The following ADGRF3 variants were observed in gnomAD, a reference collection of about 807,000 sequenced individuals.
ADGRF3 encodes the protein G protein-coupled receptor 113.
A neutral mutation model predicts 93.2 loss-of-function variants in ADGRF3; 85 were observed. The observed-to-expected ratio is 0.91, with a 90% confidence interval of 0.77 to 1.09. ADGRF3 has a LOEUF of 1.09. ADGRF3 is among the 50% of genes least tolerant of loss of function. ADGRF3 has a pLI of 0.00. For synonymous variants in ADGRF3, 534 were observed against 532.5 expected (o/e 1.00, Z -0.04); for missense variants, 1,125 against 1,246.2 (o/e 0.90, Z 1.46).
At position 26,319,589 on chromosome 2, in the gene ADGRF3, T is replaced by TCTTTCTCTCCCTCCCTC. The variant is rs1558391015; in HGVS notation, c.115-2028_115-2027insGAGGGAGGGAGAGAAAG. ...TCCCTTCCTTCCTTCCTTCCTTCCTTCCTTCCTTCCTTCCTTCCTTCCTTC... is the reference window on the plus strand; with the variant it reads ...TCCCTTCCTTCCTTCCTTCCTTCCTTCTTTCTCTCCCTCCCTCCCTTCCTTCCTTCCTTCCTTCCTTC... On this transcript the variant is annotated intron_variant, in intron 1 of 13. Transcript: ENST00000651242. 6.2e-3 allele frequency among the ~76,000 whole-genome samples: 371 copies of TCTTTCTCTCCCTCCCTC among 59,456 alleles called. 15 individuals carry two copies. Among genetic ancestry groups the TCTTTCTCTCCCTCCCTC allele is most frequent in the Middle Eastern group, 0.037 (4 of 108 alleles). 39.0% of individuals were successfully genotyped at this position (59,456 alleles called of 152,430 possible). A position where few individuals can be genotyped will look rare whatever the true frequency, so the allele number is the denominator to read the frequency against.
intron 10 of ADGRF3, 103 bp from the exon 11 acceptor site, chr2:26,310,340 T>A: frequency 1.6e-6 from 2 of 1,274,186 alleles, no homozygotes; most frequent in South Asian, 2.7e-5. Context: ...AGGCTTCTCA[T>A]CTCAATTTTT....
intron 1 of ADGRF3, among the ~76,000 whole-genome samples, chr2:26,324,012 C>T (rs1161311574): frequency 6.6e-6 from 1 of 152,082 alleles, no homozygotes; most frequent in African/African-American, 2.4e-5. Flanking sequence ...GAGGCCGAGG[C>T]GGGTGGATTG....
chr2:26,342,605 A>T (rs1359709617), intron 1 of ADGRF3, among the ~76,000 whole-genome samples: 2 of 152,256 alleles, frequency 1.3e-5, no homozygotes, highest in Middle Eastern at 3.2e-3. Context: ...TTCTATGATT[A>T]TTATTCTGGA....
chr2:26,311,742 C>T lies in ADGRF3; in HGVS notation c.1782G>A (p.Leu594=), dbSNP rs1674160211. The T allele has an allele frequency of 1.2e-6, 2 of 1,613,364 alleles. No individual in the cohort carries two copies. Among genetic ancestry groups the T allele is most frequent in the East Asian group, 2.2e-5 (1 of 44,872 alleles). The change falls in exon 10 of 14, where the codon CTG becomes CTA. Residue 594 remains leucine, a synonymous_variant. Coordinates refer to ENST00000651242, the MANE Select transcript of ADGRF3 (RefSeq NM_001321971.2). ...ISITSLVLRK[L]DHLLPSNYGQ... is the part of the protein sequence containing the mutation. ...CATAGTTTGAGGGCAGAAGGTGGTC[C>T]AGTTTTCGCAGCACCAGGCTAGTAA...
intron 1 of ADGRF3, among the ~76,000 whole-genome samples, chr2:26,341,683 A>G (rs1676404733): frequency 6.6e-6 from 1 of 152,050 alleles, no homozygotes; most frequent in African/African-American, 2.4e-5. Flanking sequence ...TTTTTGGTAG[A>G]GACAGGGTCT....
chr2:26,334,275 C>A (rs1035885244), intron 1 of ADGRF3, among the ~76,000 whole-genome samples: 2 of 132,968 alleles, frequency 1.5e-5, no homozygotes. Flanking sequence ...GGCAAGACAG[C>A]AAGCTATCAT....
rs1673789053 is a variant in ADGRF3, at chr2:26,309,024, C to T, written c.*62G>A. Reference sequence around the variant, plus strand: ...GAGTTCAGAGCATTGGGCCAGGGCTCATCTGGTGGGTTCAAGCACACAGCC... The same window carrying T: ...GAGTTCAGAGCATTGGGCCAGGGCTTATCTGGTGGGTTCAAGCACACAGCC... On this transcript the variant is annotated 3_prime_UTR_variant, in exon 14 of 14. Coordinates refer to ENST00000651242, the MANE Select transcript of ADGRF3 (RefSeq NM_001321971.2). 30 of 1,612,556 alleles carry T rather than the reference C, an allele frequency of 1.9e-5. No individual in the cohort carries two copies. The South Asian group carries it at 2.4e-4, about 13-fold the overall frequency.
At chr2:26,316,232 T>C (rs1333179680) in intron 4 of ADGRF3, 43 bp downstream of exon 4, 6 of 1,527,378 alleles carry the variant, frequency 3.9e-6, no homozygotes, top group Middle Eastern at 1.7e-4. Flanking sequence ...GAACATTTAT[T>C]TCACTTAAGG....
intron 13 of ADGRF3, 173 bp downstream of exon 13, chr2:26,309,353 C>T (rs976855118): frequency 2.0e-5 from 30 of 1,479,204 alleles, no homozygotes; most frequent in African/African-American, 1.1e-4. Context: ...ACATTTCCAC[C>T]GTCTCCCAGC....
chr2:26,310,031 G>A lies in ADGRF3; in HGVS notation c.2937+12C>T. On this transcript the variant is annotated intron_variant, in intron 12 of 13. Transcript: ENST00000651242. ...TGGATGCACAGCTGAGGATCTGAAG[G>A]CAGCAACTCACCAGGGAGATGGTGG... 1.9e-6 allele frequency: 3 copies of A among 1,614,068 alleles called. No individual in the cohort carries two copies. The highest frequency in any genetic ancestry group is 2.2e-5 in the East Asian group (1 of 44,888).
In ADGRF3 at chr2:26,322,282, C is replaced by CAAA. The variant is rs60338868; in HGVS notation, c.115-4723_115-4721dup. ...TGGGCGACAGAGCAAGAATCTGTCT[C>CAAA]AAAAAAAAAAAAAAAAAGAGAAAAG... On this transcript the variant is annotated intron_variant, in intron 1 of 13. Coordinates refer to ENST00000651242, the MANE Select transcript of ADGRF3 (RefSeq NM_001321971.2). Among the ~76,000 whole-genome samples, 14 of 76,782 alleles carry CAAA rather than the reference C, an allele frequency of 1.8e-4. No individual in the cohort carries two copies. In the South Asian group the frequency reaches 5.2e-3, roughly 29 times the overall value. The allele number at this position is 76,782 out of a possible 152,430, so 50.4% of individuals were successfully genotyped here.
chr2:26,338,343 G>A (rs1676168305), intron 1 of ADGRF3, among the ~76,000 whole-genome samples: 2 of 152,152 alleles, frequency 1.3e-5, no homozygotes, highest in Non-Finnish European at 2.9e-5. Flanking sequence ...GTGAGACCCT[G>A]TCTCTAAAAA....
At chr2:26,319,586 C>T (rs1574714111) in intron 1 of ADGRF3, among the ~76,000 whole-genome samples, 1 of 68,458 alleles carries the variant, frequency 1.5e-5, no homozygotes, top group Non-Finnish European at 2.8e-5. Context: ...TTCCTTCCTT[C>T]CTTCCTTCCT....
chr2:26,328,335 G>A (rs545590433), intron 1 of ADGRF3, among the ~76,000 whole-genome samples: 5 of 152,148 alleles, frequency 3.3e-5, no homozygotes, highest in Admixed American at 2.0e-4. Flanking sequence ...TGGATTTGGC[G>A]AGCTTTTGCT....
intron 9 of ADGRF3, 89 bp downstream of exon 9, chr2:26,312,854 T>G: frequency 2.4e-6 from 3 of 1,256,926 alleles, no homozygotes; most frequent in Non-Finnish European, 3.3e-6. Flanking sequence ...CAGCCCATGG[T>G]GACATCAGAG....
chr2:26,318,838 T>C, intron 1 of ADGRF3: 3 of 1,463,336 alleles, frequency 2.1e-6, no homozygotes, highest in Non-Finnish European at 2.8e-6. Context: ...TCCTTACACA[T>C]TACTTCCTCT....
At position 26,311,075 on chromosome 2, in the gene ADGRF3, G is replaced by C. The variant is rs150001339; in HGVS notation, c.2449C>G (p.Leu817Val). ...CACAGGTAGCCCAGGAGCACCATGAGGGGGAGAACTCGGTGCTTTGCCAGC... is the reference window on the plus strand; with the variant it reads ...CACAGGTAGCCCAGGAGCACCATGACGGGGAGAACTCGGTGCTTTGCCAGC... ...HQLAKHRVLP[L>V]MVLLGYLCPL... Residue 817 changes from leucine (L) to valine (V), a missense_variant, in exon 10 of 14, where the codon CTC becomes GTC. Physicochemically the swap from Leu to Val is conservative, Grantham distance 32. Coordinates refer to ENST00000651242, the MANE Select transcript of ADGRF3 (RefSeq NM_001321971.2). The C allele has an allele frequency of 1.9e-6, 3 of 1,607,084 alleles. No homozygotes were observed. The highest frequency in any genetic ancestry group is 1.7e-5 in the Admixed American group (1 of 58,922).
rs899045529 is a variant in ADGRF3 at position 26,312,002 on chromosome 2, T to C, written c.1522A>G (p.Lys508Glu). 1 of 1,613,304 alleles carries C rather than the reference T, an allele frequency of 6.2e-7. No homozygotes were observed. Among genetic ancestry groups the C allele is most frequent in the Middle Eastern group, 1.7e-4 (1 of 5,890 alleles). Reference protein sequence around the residue: ...RSLWTLAQARKPWAGSTLLLA... With the variant: ...RSLWTLAQAREPWAGSTLLLA... ...AGGAGAGTCGAGCCTGCCCAGGGCT[T>C]CCGGGCTTGGGCCAGGGTCCACAGA... is the stretch of plus-strand genomic sequence containing the variant. Residue 508 changes from lysine (K) to glutamate (E), a missense_variant, in exon 10 of 14, where the codon AAG becomes GAG. By Grantham distance (56) the Lys-to-Glu change is moderately conservative (BLOSUM62 1). Transcript: ENST00000651242.
Position 26,316,770 on chromosome 2 carries a change from G to C in ADGRF3, c.325+142C>G, listed in dbSNP as rs577795687. 8.7e-5 allele frequency: 78 copies of C among 900,406 alleles called. 1 individual carries two copies. The African/African-American group carries it at 1.3e-3, about 14-fold the overall frequency. 55.8% of individuals were successfully genotyped at this position (900,406 alleles called of 1,614,324 possible). A position where few individuals can be genotyped will look rare whatever the true frequency, so the allele number is the denominator to read the frequency against. ...TCTGTCTGGTAGGGAGGTGAGGAAG[G>C]AGCTGGGCCACGGAGACAGAACCAG... is the stretch of plus-strand genomic sequence containing the variant. On this transcript the variant is annotated intron_variant, in intron 3 of 13. Coordinates refer to ENST00000651242, the MANE Select transcript of ADGRF3 (RefSeq NM_001321971.2).
Sources: gnomAD v4.1 joint callset for allele counts (sites outside exome capture counted in the v4.1 genomes callset) on GRCh38, gnomAD v4.1.1 for gene constraint, MANE v1.5 for transcripts, NCBI Gene and HGNC (gene_info 2026-07-23, HGNC 2026-07-21) for gene names.